Variants in SEMA3A observed in about 807,000 individuals in gnomAD.
SEMA3A encodes semaphorin 3A.
A neutral mutation model predicts 97.9 loss-of-function variants in SEMA3A; 29 were observed. That is an observed-to-expected ratio of 0.30 (90% CI 0.22 to 0.40). The LOEUF (loss-of-function observed/expected upper bound fraction) is 0.40. SEMA3A is among the 10% of genes least tolerant of loss of function. SEMA3A has a pLI of 1.00. For missense variants in SEMA3A, 763 were observed against 951.3 expected, an observed-to-expected ratio of 0.80 and a Z score of 2.60; for synonymous variants, 321 against 323.7, an observed-to-expected ratio of 0.99 and a Z score of 0.09.
intron 3 of SEMA3A, among the ~76,000 whole-genome samples, chr7:84,241,123 T>A (rs182513639): frequency 6.6e-6 from 1 of 152,314 alleles, no homozygotes; most frequent in African/African-American, 2.4e-5. Flanking sequence ...ATATACCCAG[T>A]AATGGGGTTG....
chr7:84,046,821 T>C (rs1380925012), intron 5 of SEMA3A, among the ~76,000 whole-genome samples: 1 of 152,072 alleles, frequency 6.6e-6, no homozygotes, highest in Admixed American at 6.6e-5. Flanking sequence ...ATGTGTAAAG[T>C]TACTATGGTT....
chr7:84,345,534 T>A (rs1429990352), intron 2 of SEMA3A, among the ~76,000 whole-genome samples: 1 of 152,204 alleles, frequency 6.6e-6, no homozygotes, highest in Non-Finnish European at 1.5e-5. Context: ...CTGCCACTGC[T>A]TTACAACTAA....
chr7:84,127,015 A>C (rs1469003196), intron 3 of SEMA3A, among the ~76,000 whole-genome samples: 3 of 149,708 alleles, frequency 2.0e-5, no homozygotes, highest in Admixed American at 2.0e-4. Flanking sequence ...AGAAGAACAC[A>C]CTTTTTTTTT....
intron 3 of SEMA3A, among the ~76,000 whole-genome samples, chr7:84,277,791 C>A (rs562869562): frequency 6.6e-6 from 1 of 152,156 alleles, no homozygotes; most frequent in African/African-American, 2.4e-5. Context: ...GGCTTCAAGA[C>A]CTCTGATGAG....
chr7:83,968,446 T>C (rs2116276163), intron 15 of SEMA3A, among the ~76,000 whole-genome samples: 2 of 152,342 alleles, frequency 1.3e-5, no homozygotes, highest in Admixed American at 1.3e-4. Flanking sequence ...TGGAAAATTT[T>C]TCTTTCTGGT....
At chr7:84,194,402 G>A in intron 1 of SEMA3A, 73 bp downstream of exon 1, 4 of 929,046 alleles carry the variant, frequency 4.3e-6, no homozygotes, top group Non-Finnish European at 6.9e-6. Flanking sequence ...TTGGGGTTGG[G>A]AGGGAGTTCA....
chr7:84,300,984 T>C (rs984610014), intron 3 of SEMA3A, among the ~76,000 whole-genome samples: 1 of 152,090 alleles, frequency 6.6e-6, no homozygotes, highest in African/African-American at 2.4e-5. Context: ...TGACCATAGA[T>C]TTAGAAATTA....
At chr7:84,418,527 G>A (rs977532555) in intron 1 of SEMA3A, among the ~76,000 whole-genome samples, 11 of 152,004 alleles carry the variant, frequency 7.2e-5, no homozygotes, top group Admixed American at 5.2e-4. Context: ...CCCTCAATGT[G>A]GGTGGGCACC....
At chr7:84,465,169 A>T (rs1030884069) in intron 1 of SEMA3A, among the ~76,000 whole-genome samples, 13 of 152,184 alleles carry the variant, frequency 8.5e-5, no homozygotes, top group African/African-American at 3.1e-4. Flanking sequence ...TATCAGTTTC[A>T]TGTATATTAA....
chr7:84,110,673 ATT>A, intron 3 of SEMA3A, 84 bp from the exon 4 acceptor site: 1 of 1,424,766 alleles, frequency 7.0e-7, no homozygotes. Context: ...GCTGGAACAG[ATT>A]TGTCTTTTGT....
intron 1 of SEMA3A, among the ~76,000 whole-genome samples, chr7:84,150,661 G>A (rs1796619739): frequency 6.6e-6 from 1 of 152,166 alleles, no homozygotes; most frequent in South Asian, 2.1e-4. Context: ...TGAGGATGGG[G>A]GAGGGGCGCC....
chr7:84,404,083 A>G (rs770387017), intron 1 of SEMA3A, among the ~76,000 whole-genome samples: 1 of 152,196 alleles, frequency 6.6e-6, no homozygotes, highest in Non-Finnish European at 1.5e-5. Flanking sequence ...GCTTCAGAAG[A>G]TCAAACTACT....
intron 1 of SEMA3A, among the ~76,000 whole-genome samples, chr7:84,436,621 G>A (rs1228946): frequency 0.32 from 48,598 of 151,876 alleles, 9,321 homozygotes; most frequent in African/African-American, 0.54. Flanking sequence ...ATATAAGTTC[G>A]GATTTCTTTG....
At position 84,026,158 on chromosome 7, in the gene SEMA3A, T is replaced by TA. The variant is rs199498829; in HGVS notation, c.668-11808dup. On this transcript the variant is annotated intron_variant, in intron 6 of 16. Transcript: ENST00000265362. ...GTGAAAGGCTTTGGGATATTGGACT[T>TA]ACAAGCATAAATACATAAAGTCATC... is the stretch of plus-strand genomic sequence containing the variant. 1.5e-3 allele frequency among the ~76,000 whole-genome samples: 222 copies of TA among 152,292 alleles called. 2 individuals carry two copies. The East Asian group carries it at 0.016, about 11-fold the overall frequency.
chr7:83,967,215 T>C (rs1203479876), intron 15 of SEMA3A, among the ~76,000 whole-genome samples: 1 of 152,136 alleles, frequency 6.6e-6, no homozygotes, highest in Non-Finnish European at 1.5e-5. Flanking sequence ...ACCTAATCAA[T>C]ATTTTAAAAT....
chr7:84,027,726 G>A (rs949089294), intron 6 of SEMA3A, among the ~76,000 whole-genome samples: 1 of 152,144 alleles, frequency 6.6e-6, no homozygotes, highest in Non-Finnish European at 1.5e-5. Flanking sequence ...AGCTGTCACA[G>A]TATCCAGTTT....
At chr7:84,326,091 T>C (rs79162638) in intron 2 of SEMA3A, among the ~76,000 whole-genome samples, 3,714 of 152,232 alleles carry the variant, frequency 0.024, 119 homozygotes, top group East Asian at 0.14. Flanking sequence ...GCTCTTCTTC[T>C]TTCTGGCTAA....
intron 5 of SEMA3A, among the ~76,000 whole-genome samples, chr7:84,050,248 T>C (rs1792558162): frequency 6.6e-6 from 1 of 152,120 alleles, no homozygotes; most frequent in Admixed American, 6.6e-5. Context: ...GATGGCTGGG[T>C]CAAATGGTAT....
intron 1 of SEMA3A, among the ~76,000 whole-genome samples, chr7:84,178,988 T>C (rs545226871): frequency 6.6e-6 from 1 of 152,194 alleles, no homozygotes; most frequent in African/African-American, 2.4e-5. Context: ...TGATTCCTAC[T>C]TCAAATATTT....
Sources: allele counts gnomAD v4.1 joint callset (sites outside exome capture counted in the v4.1 genomes callset), GRCh38; gene constraint gnomAD v4.1.1; transcripts MANE v1.5; gene names NCBI Gene and HGNC (gene_info 2026-07-23, HGNC 2026-07-21).